Variants in KIF5C observed in about 807,000 individuals in gnomAD.
KIF5C encodes kinesin heavy chain isoform 5C.
In KIF5C, 18 loss-of-function variants were observed where a neutral mutation model predicts 125.2. The ratio of observed to expected loss-of-function variants is 0.14; its 90% CI spans 0.10 to 0.21. The LOEUF (loss-of-function observed/expected upper bound fraction) is 0.21. Among genes scored for constraint, KIF5C ranks in the 10% least tolerant of loss-of-function variants. KIF5C has a pLI of 1.00. For synonymous variants in KIF5C, 405 were observed against 434.0 expected, an observed-to-expected ratio of 0.93 and a Z score of 0.83; for missense variants, 780 against 1,183.8, an observed-to-expected ratio of 0.66 and a Z score of 5.01.
intron 13 of KIF5C, 77 bp from the exon 14 acceptor site, chr2:148,981,278 C>T: frequency 6.9e-7 from 1 of 1,453,276 alleles, no homozygotes; most frequent in East Asian, 2.5e-5. Context: ...TTTTAAATTA[C>T]TTACTTTTGG....
At chr2:148,988,379 C>A (rs1339195271) in intron 15 of KIF5C, among the ~76,000 whole-genome samples, 1 of 152,202 alleles carries the variant, frequency 6.6e-6, no homozygotes, top group Non-Finnish European at 1.5e-5. Context: ...GAAGAAATGT[C>A]TAGCTCTTAT....
intron 25 of KIF5C, among the ~76,000 whole-genome samples, chr2:149,013,423 T>A (rs1016497009): frequency 6.6e-6 from 1 of 152,152 alleles, no homozygotes; most frequent in Non-Finnish European, 1.5e-5. Flanking sequence ...TGCTGATGCC[T>A]CCCTTTCCCT....
intron 4 of KIF5C, among the ~76,000 whole-genome samples, chr2:148,939,775 C>T (rs1006112339): frequency 1.3e-5 from 2 of 152,214 alleles, no homozygotes; most frequent in African/African-American, 2.4e-5. Context: ...AAGGCAATAT[C>T]GAAAATCTGC....
chr2:148,989,916 A>T (rs77415789), intron 15 of KIF5C, among the ~76,000 whole-genome samples: 186 of 152,320 alleles, frequency 1.2e-3, no homozygotes, highest in Middle Eastern at 3.4e-3. Context: ...TACTGAACAG[A>T]TAGTGATATG....
intron 1 of KIF5C, among the ~76,000 whole-genome samples, chr2:148,921,722 T>C (rs1455173118): frequency 6.6e-6 from 1 of 152,258 alleles, no homozygotes; most frequent in East Asian, 1.9e-4. Context: ...TGCGTTTTCC[T>C]ATGTGTTTGC....
intron 11 of KIF5C, among the ~76,000 whole-genome samples, chr2:148,972,718 C>CT (rs1176858852): frequency 6.6e-6 from 1 of 152,164 alleles, no homozygotes; most frequent in Non-Finnish European, 1.5e-5. Flanking sequence ...TTTGAACTTT[C>CT]CAGCAGAGCC....
chr2:148,952,449 G>A (rs76749411), intron 10 of KIF5C, among the ~76,000 whole-genome samples: 9,636 of 152,196 alleles, frequency 0.063, 405 homozygotes, highest in Middle Eastern at 0.18. Context: ...TATGTCAGGT[G>A]TGTCAAAATT....
intron 1 of KIF5C, among the ~76,000 whole-genome samples, chr2:148,904,408 C>T (rs1681022244): frequency 6.6e-6 from 1 of 152,220 alleles, no homozygotes; most frequent in Non-Finnish European, 1.5e-5. Context: ...CAGCATCGAT[C>T]TCACGAGTGT....
rs776688905 is a variant in KIF5C, at chr2:148,995,290, G to C, written c.2023+752G>C. Among the ~76,000 whole-genome samples, 3 of 152,118 alleles carry C rather than the reference G, an allele frequency of 2.0e-5. No individual in the cohort carries two copies. The East Asian group carries it at 5.8e-4, about 29-fold the overall frequency. On this transcript the variant is annotated intron_variant, in intron 17 of 25. Coordinates refer to ENST00000435030, the MANE Select transcript of KIF5C (RefSeq NM_004522.3). ...ATTCACATTCTCTCTCTGTCCAAACGGACACTTCTAACCCTTCCATGGCAT... is the reference window on the plus strand; with the variant it reads ...ATTCACATTCTCTCTCTGTCCAAACCGACACTTCTAACCCTTCCATGGCAT...
At chr2:148,972,485 G>A (rs1680944530) in intron 11 of KIF5C, among the ~76,000 whole-genome samples, 1 of 152,162 alleles carries the variant, frequency 6.6e-6, no homozygotes, top group Non-Finnish European at 1.5e-5. Flanking sequence ...TCCTTTTTAT[G>A]CACTTTATGT....
At chr2:148,877,660 A>G (rs1681229375) in intron 1 of KIF5C, among the ~76,000 whole-genome samples, 2 of 152,154 alleles carry the variant, frequency 1.3e-5, no homozygotes, top group African/African-American at 4.8e-5. Flanking sequence ...GTACTGGAAC[A>G]TGTTCTGGCA....
chr2:148,998,612 T>C, intron 19 of KIF5C, 103 bp downstream of exon 19: 1 of 1,504,156 alleles, frequency 6.6e-7, no homozygotes, highest in African/African-American at 1.4e-5. Flanking sequence ...CTGCTCACCT[T>C]GCCCTGTGGG....
intron 15 of KIF5C, among the ~76,000 whole-genome samples, chr2:148,987,583 CA>C (rs1681413320): frequency 6.6e-6 from 1 of 152,118 alleles, no homozygotes; most frequent in Non-Finnish European, 1.5e-5. Context: ...GGTGTATGAC[CA>C]GGCGTTTCCA....
intron 3 of KIF5C, among the ~76,000 whole-genome samples, chr2:148,933,586 G>A (rs1269683960): frequency 1.4e-5 from 2 of 141,474 alleles, no homozygotes; most frequent in African/African-American, 2.7e-5. Flanking sequence ...TACCACACAC[G>A]TATACACACA....
chr2:148,948,272 G>A (rs2105110743), intron 8 of KIF5C, among the ~76,000 whole-genome samples: 1 of 151,800 alleles, frequency 6.6e-6, no homozygotes, highest in African/African-American at 2.4e-5. Flanking sequence ...CAGGAGAATG[G>A]CGTGAACCCG....
In KIF5C at chr2:149,008,991, GTTTT is replaced by G. The variant is rs200099380; in HGVS notation, c.2550+937_2550+940del. ...TTTATTTATTTTTGTTTTTTTTAAT[GTTTT>G]TTTTTTTTTTTTGAGGCAGAGTCTT... On this transcript the variant is annotated intron_variant, in intron 23 of 25. Transcript: ENST00000435030. Among the ~76,000 whole-genome samples the G allele has an allele frequency of 7.2e-3, 973 of 134,374 alleles. 15 individuals are homozygous for G. The highest frequency in any genetic ancestry group is 0.064 in the Middle Eastern group (17 of 266). The allele number at this position is 134,374 out of a possible 152,430, so 88.2% of individuals were successfully genotyped here.
In KIF5C at chr2:148,962,117, A is replaced by G; in HGVS notation, c.1115A>G (p.Asn372Ser). ...HLEMELNRWRNGEAVPEDEQI... is the reference protein window; with the variant it reads ...HLEMELNRWRSGEAVPEDEQI... ...GAGATGGAGCTAAACAGGTGGAGGA[A>G]TGGTAAGGAAAAGTAAGGAGGAAGA... is the stretch of plus-strand genomic sequence containing the variant. Residue 372 changes from asparagine to serine, a missense_variant and splice_region_variant, in exon 11 of 26, where the codon AAT becomes AGT. Physicochemically the swap from Asn to Ser is conservative, Grantham distance 46. Around this residue, in one of 2 missense-constraint regions of KIF5C, gnomAD observed 573 missense variants for 742.6 expected, o/e 0.77. Coordinates refer to ENST00000435030, the MANE Select transcript of KIF5C (RefSeq NM_004522.3). 6.2e-7 allele frequency: 1 copy of G among 1,602,634 alleles called. No homozygotes were observed. The highest frequency in any genetic ancestry group is 8.5e-7 in the Non-Finnish European group (1 of 1,174,334).
At chr2:148,998,229 C>T in intron 18 of KIF5C, 171 bp from the exon 19 acceptor site, 2 of 1,082,768 alleles carry the variant, frequency 1.8e-6, no homozygotes, top group Non-Finnish European at 2.6e-6. Flanking sequence ...TTTTGTTATC[C>T]CAATAAAGCA....
intron 19 of KIF5C, chr2:148,998,961 A>ATC: frequency 6.4e-6 from 1 of 156,692 alleles, no homozygotes; most frequent in Non-Finnish European, 1.4e-5. Context: ...CCCCCTACAC[A>ATC]TACACGCTCA....
Sources: gnomAD v4.1 joint callset for allele counts (sites outside exome capture counted in the v4.1 genomes callset) on GRCh38, gnomAD v4.1.1 for gene constraint, gnomAD v4.1.1 regional missense constraint, MANE v1.5 for transcripts, NCBI Gene and HGNC (gene_info 2026-07-23, HGNC 2026-07-21) for gene names.